Variants in RLN2 observed in about 807,000 individuals in gnomAD.
RLN2 encodes the protein relaxin 2.
Under a neutral mutation model 7.3 loss-of-function variants are expected in RLN2, and 10 were observed. The observed-to-expected ratio is 1.36, with a 90% CI of 0.84 to 2.31. RLN2 has a LOEUF of 2.31. RLN2 is among the 30% of genes most tolerant of loss of function. The probability of loss-of-function intolerance (pLI) is 0.00; values close to 1 mark genes in which losing one functional copy is unlikely to be tolerated. For synonymous variants in RLN2, 103 were observed against 82.3 expected, an observed-to-expected ratio of 1.25 and a Z score of -1.36; for missense variants, 298 against 217.6, an observed-to-expected ratio of 1.37 and a Z score of -2.32.
the RLN2 span, among the ~76,000 whole-genome samples, chr9:5,314,320 G>A: frequency 6.6e-6 from 1 of 151,902 alleles, no homozygotes; most frequent in Non-Finnish European, 1.5e-5. Context: ...CTATTTCTTG[G>A]GGCCAAGCTG....
upstream of RLN2, among the ~76,000 whole-genome samples, chr9:5,305,394 CACACACACAGAGAGAG>C (rs1441059228): frequency 2.8e-5 from 4 of 142,136 alleles, no homozygotes; most frequent in African/African-American, 1.2e-4. Flanking sequence ...CACACACACA[CACACACACAGAGAGAG>C]AGAGAGAGAG....
chr9:5,325,777 G>A, the RLN2 span, among the ~76,000 whole-genome samples: 2 of 151,990 alleles, frequency 1.3e-5, no homozygotes, highest in Admixed American at 6.6e-5. Context: ...TATGTTCTAG[G>A]TGAAGACAAG....
the RLN2 span, among the ~76,000 whole-genome samples, chr9:5,313,277 C>T: frequency 6.6e-6 from 1 of 151,896 alleles, no homozygotes; most frequent in Admixed American, 6.6e-5. Context: ...TATGTATTTA[C>T]TTTATATCTT....
At chr9:5,316,628 C>CT in the RLN2 span, among the ~76,000 whole-genome samples, 1 of 151,938 alleles carries the variant, frequency 6.6e-6, no homozygotes. Context: ...TGAGCTTATC[C>CT]TTTTTTATGG....
the RLN2 span, among the ~76,000 whole-genome samples, chr9:5,332,711 G>C: frequency 9.2e-5 from 14 of 151,646 alleles, 1 homozygote; most frequent in African/African-American, 3.4e-4. Flanking sequence ...CAACTCCCGG[G>C]TTCAAGCGAT....
rs1471489848 is a variant in RLN2 at position 5,300,266 on chromosome 9, C to T, written c.390G>A (p.Lys130=). 6.2e-7 allele frequency: 1 copy of T among 1,613,872 alleles called. No homozygotes were observed. Among genetic ancestry groups the T allele is most frequent in the African/African-American group, 1.3e-5 (1 of 74,896 alleles). Residue 130 remains lysine, a synonymous_variant, in exon 2 of 2, where the codon AAG becomes AAA. Transcript: ENST00000381627. ...CACTTTGTCTATTGCGAATAAGTTTCTTAAATTCTTCAAAGAGAAGACTGG... is the reference window on the plus strand; with the variant it reads ...CACTTTGTCTATTGCGAATAAGTTTTTTAAATTCTTCAAAGAGAAGACTGG... ...KDSSLLFEEF[K]KLIRNRQSEA...
chr9:5,333,072 G>A, the RLN2 span, among the ~76,000 whole-genome samples: 2 of 152,000 alleles, frequency 1.3e-5, no homozygotes, highest in African/African-American at 4.8e-5. Flanking sequence ...GTTCTCTATT[G>A]AGTAAACTTC....
At chr9:5,311,338 TA>T in the RLN2 span, 1 of 404,700 alleles carries the variant, frequency 2.5e-6, no homozygotes, top group African/African-American at 2.1e-5. Context: ...AGGAAGGACA[TA>T]AACCTCACTG....
the RLN2 span, among the ~76,000 whole-genome samples, chr9:5,329,047 T>C: frequency 6.6e-6 from 1 of 151,874 alleles, no homozygotes; most frequent in East Asian, 1.9e-4. Context: ...CTCACGCCTG[T>C]AATCCCAACA....
At chr9:5,313,224 A>C in the RLN2 span, among the ~76,000 whole-genome samples, 1 of 151,948 alleles carries the variant, frequency 6.6e-6, no homozygotes, top group African/African-American at 2.4e-5. Flanking sequence ...TGATCTATTA[A>C]TATTTGTGTT....
At chr9:5,311,665 C>G in the RLN2 span, 1 of 1,344,866 alleles carries the variant, frequency 7.4e-7, no homozygotes, top group Non-Finnish European at 1.1e-6. Context: ...AAAATGGAGA[C>G]GCCAAAACAG....
At chr9:5,315,657 C>T in the RLN2 span, among the ~76,000 whole-genome samples, 1 of 152,092 alleles carries the variant, frequency 6.6e-6, no homozygotes, top group South Asian at 2.1e-4. Context: ...TACAACTAAA[C>T]TGTCAAAAGC....
the RLN2 span, among the ~76,000 whole-genome samples, chr9:5,326,464 C>T: frequency 6.6e-6 from 1 of 152,232 alleles, no homozygotes; most frequent in East Asian, 1.9e-4. Context: ...ACCCTAAAGA[C>T]TCCTGCTGGT....
At chr9:5,332,503 A>T in the RLN2 span, among the ~76,000 whole-genome samples, 4 of 151,998 alleles carry the variant, frequency 2.6e-5, no homozygotes, top group African/African-American at 9.7e-5. Context: ...TATTGGTCTC[A>T]ATGTAACACA....
upstream of RLN2, among the ~76,000 whole-genome samples, chr9:5,307,137 G>A (rs1253241861): frequency 6.6e-6 from 1 of 151,878 alleles, no homozygotes; most frequent in African/African-American, 2.4e-5. Context: ...CAACATTGAG[G>A]GGCTAAATGG....
chr9:5,318,007 C>CGTGTGTGTGTGCGTGTGTGT, the RLN2 span, among the ~76,000 whole-genome samples: 3 of 148,064 alleles, frequency 2.0e-5, no homozygotes, highest in African/African-American at 7.5e-5. Flanking sequence ...TGTGTGTGTG[C>CGTGTGTGTGTGCGTGTGTGT]GTGTGTGTGT....
chr9:5,316,629 T>C, the RLN2 span, among the ~76,000 whole-genome samples: 3 of 152,082 alleles, frequency 2.0e-5, no homozygotes, highest in African/African-American at 4.8e-5. Flanking sequence ...GAGCTTATCC[T>C]TTTTTATGGC....
the RLN2 span, among the ~76,000 whole-genome samples, chr9:5,331,725 G>C: frequency 6.6e-6 from 1 of 151,962 alleles, no homozygotes; most frequent in African/African-American, 2.4e-5. Flanking sequence ...CAAATGATGA[G>C]TTGATGGGTG....
At chr9:5,332,625 T>G in the RLN2 span, among the ~76,000 whole-genome samples, 84 of 151,702 alleles carry the variant, frequency 5.5e-4, 1 homozygote, top group Admixed American at 5.5e-3. Flanking sequence ...ATGTGCTTTT[T>G]TTTTTTTTTA....
Sources: gnomAD v4.1 joint callset for allele counts (sites outside exome capture counted in the v4.1 genomes callset) on GRCh38, gnomAD v4.1.1 for gene constraint, MANE v1.5 for transcripts, NCBI Gene and HGNC (gene_info 2026-07-23, HGNC 2026-07-21) for gene names.